Variants in COL22A1 observed in about 807,000 individuals in gnomAD.
COL22A1 encodes the protein collagen type XXII alpha 1 chain.
COL22A1 carries 221 observed loss-of-function variants against 248.9 expected under a neutral mutation model. The ratio of observed to expected loss-of-function variants is 0.89; its 90% CI spans 0.80 to 0.99. COL22A1 has a LOEUF of 0.99. COL22A1 is among the 50% of genes least tolerant of loss of function. The probability of loss-of-function intolerance (pLI) is 0.00; values close to 1 mark genes in which losing one functional copy is unlikely to be tolerated. For missense variants in COL22A1, 2,240 were observed against 2,179.0 expected, an observed-to-expected ratio of 1.03 and a Z score of -0.56; for synonymous variants, 891 against 793.4, an observed-to-expected ratio of 1.12 and a Z score of -2.07.
chr8:138,692,262 G>GGAGGTGTGTGTGTACATGTGGGTA, intron 35 of COL22A1, among the ~76,000 whole-genome samples: 1 of 143,692 alleles, frequency 7.0e-6, no homozygotes, highest in Admixed American at 7.0e-5. Context: ...GTGTGCGTGT[G>GGAGGTGTGTGTGTACATGTGGGTA]TGCATGTTTG....
intron 26 of COL22A1, among the ~76,000 whole-genome samples, chr8:138,721,481 A>T (rs1047695417): frequency 9.2e-5 from 14 of 152,254 alleles, no homozygotes. Context: ...TAATTCTACC[A>T]TAAGCCCCAC....
At chr8:138,885,917 GC>G (rs1681140391) in intron 1 of COL22A1, among the ~76,000 whole-genome samples, 1 of 152,120 alleles carries the variant, frequency 6.6e-6, no homozygotes, top group African/African-American at 2.4e-5. Context: ...CAGATTTATG[GC>G]CCTGTGCTGG....
rs1346175542 is a variant in COL22A1, at chr8:138,820,316, A to G, written c.1245+820T>C. On this transcript the variant is annotated intron_variant, in intron 7 of 64. Coordinates refer to ENST00000303045, the MANE Select transcript of COL22A1 (RefSeq NM_152888.3). ...CAGGCAGTGGGGGATGCTCTTGGGC[A>G]TGGGAGCTAACGTTGACTTCAGCTT... is the stretch of plus-strand genomic sequence containing the variant. 2.0e-5 allele frequency among the ~76,000 whole-genome samples: 3 copies of G among 152,312 alleles called. No homozygotes were observed. The East Asian group carries it at 5.8e-4, about 29-fold the overall frequency.
chr8:138,746,815 G>A (rs1199800156), intron 22 of COL22A1, among the ~76,000 whole-genome samples: 1 of 152,160 alleles, frequency 6.6e-6, no homozygotes, highest in Non-Finnish European at 1.5e-5. Context: ...AACCAGGATG[G>A]GTGCTCAGAA....
At chr8:138,623,265 TGTGTGTG>T (rs1819967964) in intron 52 of COL22A1, among the ~76,000 whole-genome samples, 4 of 3,112 alleles carry the variant, frequency 1.3e-3, no homozygotes, top group Non-Finnish European at 3.8e-3. Flanking sequence ...TATATTTATG[TGTGTGTG>T]TGTGTGTGTG....
chr8:138,728,491 T>C (rs1420076752), intron 23 of COL22A1, among the ~76,000 whole-genome samples: 1 of 152,000 alleles, frequency 6.6e-6, no homozygotes, highest in African/African-American at 2.4e-5. Flanking sequence ...CTCTGGAGTG[T>C]TTTATGCTTT....
chr8:138,742,796 TTGATGG>T (rs1355956201), intron 22 of COL22A1, among the ~76,000 whole-genome samples: 5 of 129,368 alleles, frequency 3.9e-5, no homozygotes, highest in African/African-American at 5.9e-5. Flanking sequence ...GATGGTGGAG[TTGATGG>T]TGATGGTGAT....
chr8:138,694,823 C>T lies in COL22A1; in HGVS notation c.2646+3G>A. 6.2e-7 allele frequency: 1 copy of T among 1,613,962 alleles called. No individual in the cohort carries two copies. Among genetic ancestry groups the T allele is most frequent in the South Asian group, 1.1e-5 (1 of 91,062 alleles). ...GCGGGGGAAGGGGACACAAGAGACTCACCGGTTCCCCAGGCAGGCCTGGAT... is the reference window on the plus strand; with the variant it reads ...GCGGGGGAAGGGGACACAAGAGACTTACCGGTTCCCCAGGCAGGCCTGGAT... On this transcript the variant is annotated splice_donor_region_variant and intron_variant, in intron 33 of 64. Transcript: ENST00000303045.
At chr8:138,909,870 CA>C (rs1398655057) in intron 1 of COL22A1, among the ~76,000 whole-genome samples, 24 of 152,166 alleles carry the variant, frequency 1.6e-4, no homozygotes, top group Admixed American at 1.3e-3. Flanking sequence ...TTCTAATAAC[CA>C]ATAAGTCCTG....
intron 44 of COL22A1, among the ~76,000 whole-genome samples, chr8:138,657,398 T>C (rs190660994): frequency 9.4e-4 from 143 of 152,376 alleles, no homozygotes; most frequent in Admixed American, 2.1e-3. Flanking sequence ...ATTCTATTAC[T>C]AGGGATATTC....
At chr8:138,844,189 T>A in intron 3 of COL22A1, 31 bp from the exon 4 acceptor site, 1 of 1,597,986 alleles carries the variant, frequency 6.3e-7, no homozygotes, top group Non-Finnish European at 8.6e-7. Context: ...CAGAGACTGA[T>A]GAGAAAATGT....
At chr8:138,843,023 G>A (rs1820999209) in intron 4 of COL22A1, among the ~76,000 whole-genome samples, 1 of 152,178 alleles carries the variant, frequency 6.6e-6, no homozygotes, top group Admixed American at 6.5e-5. Context: ...GGGAAACGGG[G>A]TCAAATGTGG....
At chr8:138,591,631 C>G in intron 63 of COL22A1, 130 bp from the exon 64 acceptor site, 2 of 548,310 alleles carry the variant, frequency 3.6e-6, no homozygotes. Flanking sequence ...CCACCCTGAG[C>G]ACACACACTC....
chr8:138,716,228 T>C lies in COL22A1; in HGVS notation c.2462A>G (p.Gln821Arg). The C allele has an allele frequency of 6.3e-7, 1 of 1,582,728 alleles. No homozygotes were observed. The highest frequency in any genetic ancestry group is 1.3e-5 in the African/African-American group (1 of 74,654). ...GAGGAAGGAAGCTGCCACACTTACC[T>C]GGTCTCCTTTCTCTCCTCTCACACC... The part of the protein sequence containing the change: ...FPGVRGEKGD[Q>R]GEKGELGLPG... The change falls in exon 29 of 65, where the codon CAG (glutamine) becomes CGG (arginine). Residue 821 changes from glutamine (Q) to arginine (R), a missense_variant and splice_region_variant. By Grantham distance (43) the Gln-to-Arg change is conservative (BLOSUM62 1). Transcript: ENST00000303045.
intron 14 of COL22A1, 57 bp from the exon 15 acceptor site, chr8:138,778,463 A>G (rs1814676191): frequency 6.8e-7 from 1 of 1,469,252 alleles, no homozygotes. Flanking sequence ...AGGCAAGTGC[A>G]GCCGTACAGC....
chr8:138,858,048 TGGGTG>T (rs1822172974), intron 3 of COL22A1, among the ~76,000 whole-genome samples: 4 of 152,368 alleles, frequency 2.6e-5, no homozygotes, highest in Admixed American at 1.3e-4. Context: ...GTCATGGCCC[TGGGTG>T]GTGACGTCAT....
intron 37 of COL22A1, among the ~76,000 whole-genome samples, chr8:138,687,683 C>G (rs567948871): frequency 6.6e-6 from 1 of 152,232 alleles, no homozygotes; most frequent in Non-Finnish European, 1.5e-5. Context: ...CCCAATTCCT[C>G]AGCTAATCCT....
chr8:138,856,004 C>A (rs1360734516), intron 3 of COL22A1, among the ~76,000 whole-genome samples: 1 of 152,106 alleles, frequency 6.6e-6, no homozygotes, highest in African/African-American at 2.4e-5. Context: ...AAAGCAGGGG[C>A]AGGATGGAAG....
intron 60 of COL22A1, among the ~76,000 whole-genome samples, chr8:138,599,525 C>G (rs1817831016): frequency 6.6e-6 from 1 of 151,868 alleles, no homozygotes; most frequent in Non-Finnish European, 1.5e-5. Context: ...ACATGGGCAG[C>G]CAGGGCAAGA....
Sources: gnomAD v4.1 joint callset for allele counts (sites outside exome capture counted in the v4.1 genomes callset) on GRCh38, gnomAD v4.1.1 for gene constraint, MANE v1.5 for transcripts, NCBI Gene and HGNC (gene_info 2026-07-23, HGNC 2026-07-21) for gene names.